The following STK10 variants were observed in gnomAD, a reference collection of about 807,000 sequenced individuals.
STK10 encodes serine/threonine-protein kinase 10.
Under a neutral mutation model 113.8 loss-of-function variants are expected in STK10, and 78 were observed. The observed-to-expected ratio is 0.69, with a 90% CI of 0.57 to 0.83. The LOEUF (loss-of-function observed/expected upper bound fraction) is 0.83. STK10 is among the 40% of genes least tolerant of loss of function. The probability of loss-of-function intolerance (pLI) is 0.00; values close to 1 mark genes in which losing one functional copy is unlikely to be tolerated. For missense variants in STK10, 1,109 were observed against 1,280.1 expected (o/e 0.87, Z 2.04); for synonymous variants, 465 against 494.7 (o/e 0.94, Z 0.80).
intron 13 of STK10, among the ~76,000 whole-genome samples, chr5:172,062,079 G>T (rs1024551258): frequency 2.0e-5 from 3 of 151,610 alleles, no homozygotes. Flanking sequence ...CCAGGTTCAA[G>T]TGATTCTCCC....
intron 14 of STK10, among the ~76,000 whole-genome samples, chr5:172,060,098 T>G (rs971973202): frequency 6.6e-6 from 1 of 152,194 alleles, no homozygotes; most frequent in African/African-American, 2.4e-5. Context: ...ATGGAATTAG[T>G]GCCTTTTTAT....
chr5:172,107,857 A>G lies in STK10; in HGVS notation c.521-5T>C. 1.2e-6 allele frequency: 2 copies of G among 1,614,142 alleles called. No individual in the cohort carries two copies. Among genetic ancestry groups the G allele is most frequent in the Non-Finnish European group, 1.7e-6 (2 of 1,179,968 alleles). Reference sequence around the variant, plus strand: ...TGGCAGACACACCAAAGTCAGCTGCAAGACAAAATCTCAGCTAGCGTTTTC... The same window carrying G: ...TGGCAGACACACCAAAGTCAGCTGCGAGACAAAATCTCAGCTAGCGTTTTC... On this transcript the variant is annotated splice_polypyrimidine_tract_variant and splice_region_variant and intron_variant, in intron 4 of 18. Transcript: ENST00000176763.
rs781680627 is a variant in STK10, at chr5:172,044,992, G to A, written c.2797C>T (p.Arg933Trp). Reference sequence around the variant, plus strand: ...AGCTTGAAGAACATCTCCTGCTCCCGCTTCTTCTGGTTCAGATCCTCTTCC... The same window carrying A: ...AGCTTGAAGAACATCTCCTGCTCCCACTTCTTCTGGTTCAGATCCTCTTCC... ...ALEEDLNQKK[R>W]EQEMFFKLSE... Residue 933 changes from arginine (R) to tryptophan (W), a missense_variant, in exon 19 of 19, where the codon CGG becomes TGG. Transcript: ENST00000176763. This position sits in a 1 kb window ranked among gnomAD's most constrained non-coding sequence, Gnocchi z 4.5. The A allele has an allele frequency of 1.7e-5, 28 of 1,614,062 alleles. No homozygotes were observed. The highest frequency in any genetic ancestry group is 1.0e-4 in the Admixed American group (6 of 60,004).
At chr5:172,049,556 G>C (rs564739802) in intron 18 of STK10, among the ~76,000 whole-genome samples, 1 of 151,628 alleles carries the variant, frequency 6.6e-6, no homozygotes, top group Non-Finnish European at 1.5e-5. Context: ...GATAAGGCAA[G>C]AACAGTAGTT....
chr5:172,145,159 C>A (rs1770059166), intron 2 of STK10, among the ~76,000 whole-genome samples: 1 of 152,166 alleles, frequency 6.6e-6, no homozygotes. Flanking sequence ...CATTTTTCAT[C>A]CATTTGACCA....
intron 12 of STK10, among the ~76,000 whole-genome samples, chr5:172,071,209 T>A (rs1295966549): frequency 2.1e-5 from 1 of 46,832 alleles, no homozygotes; most frequent in Non-Finnish European, 3.5e-5. Context: ...ACGCTCTCTA[T>A]CTCAAAAAAA....
chr5:172,079,716 T>G (rs73321804), intron 12 of STK10, among the ~76,000 whole-genome samples: 1,799 of 152,132 alleles, frequency 0.012, 40 homozygotes, highest in African/African-American at 0.04. Flanking sequence ...CCTGTGATCA[T>G]GCCTGACTAA....
chr5:172,057,011 A>AAGAGAG (rs1265234969), intron 15 of STK10: 2 of 137,496 alleles, frequency 1.5e-5, no homozygotes, highest in Non-Finnish European at 3.1e-5. Flanking sequence ...GAAGGAAAGA[A>AAGAGAG]AGAAAGAAAG....
chr5:172,119,998 G>A (rs1769476031), intron 3 of STK10, among the ~76,000 whole-genome samples: 1 of 152,164 alleles, frequency 6.6e-6, no homozygotes, highest in African/African-American at 2.4e-5. Flanking sequence ...CAGAGAGGAG[G>A]AAAGCTGCTC....
chr5:172,145,316 C>T (rs1209302180), intron 2 of STK10, among the ~76,000 whole-genome samples: 1 of 152,134 alleles, frequency 6.6e-6, no homozygotes, highest in East Asian at 1.9e-4. Flanking sequence ...AATCCCAGGA[C>T]AAGGGTAAGA....
In STK10 at chr5:172,065,071, C is replaced by G. The variant is rs73315820; in HGVS notation, c.1990-259G>C. 7.7e-3 allele frequency among the ~76,000 whole-genome samples: 1,169 copies of G among 152,300 alleles called. 16 individuals are homozygous for G. The highest frequency in any genetic ancestry group is 0.026 in the African/African-American group (1,098 of 41,562). ...GTTTTCAGCAGCTTGGTATCCACCCCCCTCTTCTGGTAACAGCACCTCAGT... is the reference window on the plus strand; with the variant it reads ...GTTTTCAGCAGCTTGGTATCCACCCGCCTCTTCTGGTAACAGCACCTCAGT... On this transcript the variant is annotated intron_variant, in intron 12 of 18. Coordinates refer to ENST00000176763, the MANE Select transcript of STK10 (RefSeq NM_005990.4).
At chr5:172,100,447 G>T (rs1768962531) in intron 7 of STK10, among the ~76,000 whole-genome samples, 1 of 152,130 alleles carries the variant, frequency 6.6e-6, no homozygotes, top group Admixed American at 6.5e-5. Context: ...TATGTGCTTA[G>T]AAACCATCAG....
chr5:172,170,546 C>T (rs920379967), intron 1 of STK10, among the ~76,000 whole-genome samples: 19 of 152,218 alleles, frequency 1.2e-4, no homozygotes, highest in South Asian at 4.1e-4. Flanking sequence ...GTGCCTTGAA[C>T]ACTGTCTCCC....
At chr5:172,129,368 G>T (rs750288125) in intron 2 of STK10, among the ~76,000 whole-genome samples, 2 of 152,200 alleles carry the variant, frequency 1.3e-5, no homozygotes, top group Non-Finnish European at 2.9e-5. Context: ...CCCTGCTGAG[G>T]AGGAAGGAGG....
At chr5:172,126,494 G>A (rs554385664) in intron 3 of STK10, among the ~76,000 whole-genome samples, 109 of 152,250 alleles carry the variant, frequency 7.2e-4, no homozygotes, top group African/African-American at 2.4e-3. Flanking sequence ...AACCCGGGAG[G>A]TGGAGGTTAC....
chr5:172,090,879 G>C (rs753432582), intron 9 of STK10, among the ~76,000 whole-genome samples: 1 of 138,410 alleles, frequency 7.2e-6, no homozygotes, highest in Admixed American at 7.9e-5. Context: ...AGTTTGCAGA[G>C]AGCTTAGATC....
chr5:172,052,938 C>A lies in STK10; in HGVS notation c.2757G>T (p.Pro919=), dbSNP rs1238071413. The part of the protein sequence containing the change: ...NLKEWRDKLR[P]RKKALEEDLN... ...GCTCGGATAAAGTTACCTTCTTGCGCGGCCGAAGCTTGTCCCGCCATTCCT... is the reference window on the plus strand; with the variant it reads ...GCTCGGATAAAGTTACCTTCTTGCGAGGCCGAAGCTTGTCCCGCCATTCCT... Residue 919 remains proline, a synonymous_variant, in exon 18 of 19, where the codon CCG becomes CCT. Coordinates refer to ENST00000176763, the MANE Select transcript of STK10 (RefSeq NM_005990.4). 4.3e-6 allele frequency: 7 copies of A among 1,613,890 alleles called. No homozygotes were observed. In the African/African-American group the frequency reaches 8.0e-5, roughly 18 times the overall value.
At chr5:172,087,017 G>T (rs1768577294) in intron 10 of STK10, among the ~76,000 whole-genome samples, 1 of 151,908 alleles carries the variant, frequency 6.6e-6, no homozygotes, top group South Asian at 2.1e-4. Context: ...CAGAGTCCAG[G>T]GTGCCTCTCA....
intron 3 of STK10, among the ~76,000 whole-genome samples, chr5:172,124,029 C>T (rs1200443568): frequency 1.3e-5 from 2 of 152,180 alleles, no homozygotes; most frequent in East Asian, 3.8e-4. Flanking sequence ...TGGGCTCAAG[C>T]AATCCTCCAG....
Sources: gnomAD v4.1 joint callset for allele counts (sites outside exome capture counted in the v4.1 genomes callset) on GRCh38, gnomAD v4.1.1 for gene constraint, Gnocchi (gnomAD v3.1) non-coding constraint, MANE v1.5 for transcripts, NCBI Gene and HGNC (gene_info 2026-07-23, HGNC 2026-07-21) for gene names.